The following PRDM16 variants were observed in gnomAD, a reference collection of about 807,000 sequenced individuals.
PRDM16 encodes PR/SET domain 16.
PRDM16 carries 23 observed loss-of-function variants against 110.6 expected under a neutral mutation model. The observed-to-expected ratio is 0.21, with a 90% CI of 0.15 to 0.29. The LOEUF (loss-of-function observed/expected upper bound fraction) is 0.29. Among genes scored for constraint, PRDM16 ranks in the 10% least tolerant of loss-of-function variants. PRDM16 has a pLI of 1.00. For missense variants in PRDM16, 1,615 were observed against 1,794.3 expected (o/e 0.90, Z 1.81); for synonymous variants, 799 against 781.8 (o/e 1.02, Z -0.37).
intron 2 of PRDM16, among the ~76,000 whole-genome samples, chr1:3,236,550 G>A (rs796889255): frequency 3.3e-5 from 5 of 152,340 alleles, no homozygotes; most frequent in African/African-American, 1.2e-4. Context: ...CGTGGCCATG[G>A]GCCCCACGCC....
Position 3,080,958 on chromosome 1 carries a change from C to CG in PRDM16, c.37+11670dup, listed in dbSNP as rs527641867. On this transcript the variant is annotated intron_variant, in intron 1 of 16. Coordinates refer to ENST00000270722, the MANE Select transcript of PRDM16 (RefSeq NM_022114.4). The surrounding 1 kb of genome is among the most constrained non-coding windows in gnomAD (Gnocchi z 5.2). ...TGTGTGTGTAGAGGGGGTGGCGGGG[C>CG]GGGGGGGGTCTGCACATTCCGCCGA... Among the ~76,000 whole-genome samples, 171 of 149,412 alleles carry CG rather than the reference C, an allele frequency of 1.1e-3. No individual in the cohort carries two copies. Among genetic ancestry groups the CG allele is most frequent in the Middle Eastern group, 6.8e-3 (2 of 292 alleles).
At chr1:3,094,460 G>A (rs59169459) in intron 1 of PRDM16, among the ~76,000 whole-genome samples, 6,637 of 152,350 alleles carry the variant, frequency 0.044, 476 homozygotes, top group African/African-American at 0.15. Flanking sequence ...ACTGGCAGCT[G>A]TTAGCTTGGC....
chr1:3,185,398 C>T (rs1242905405), intron 1 of PRDM16, among the ~76,000 whole-genome samples: 1 of 152,194 alleles, frequency 6.6e-6, no homozygotes, highest in African/African-American at 2.4e-5. Context: ...GGAACTTCCA[C>T]CAGCCTCCCC....
chr1:3,405,486 T>C lies in PRDM16; in HGVS notation c.1033-9T>C. ...GCAGGGCACGCGCCAACGGCATCCG[T>C]CTCCCCAGGTGTTCACGGACCCCAG... On this transcript the variant is annotated splice_polypyrimidine_tract_variant and intron_variant, in intron 7 of 16. Coordinates refer to ENST00000270722, the MANE Select transcript of PRDM16 (RefSeq NM_022114.4). 2 of 1,556,774 alleles carry C rather than the reference T, an allele frequency of 1.3e-6. No homozygotes were observed. The highest frequency in any genetic ancestry group is 1.9e-5 in the Admixed American group (1 of 52,708).
At chr1:3,402,683 T>G (rs1569692926) in intron 5 of PRDM16, 108 bp from the exon 6 acceptor site, 2 of 932,016 alleles carry the variant, frequency 2.1e-6, no homozygotes, top group Non-Finnish European at 3.4e-6. Flanking sequence ...CCAGCCTGGG[T>G]GCAGGCCCTG....
At chr1:3,183,563 C>A (rs555257640) in intron 1 of PRDM16, among the ~76,000 whole-genome samples, 1 of 152,216 alleles carries the variant, frequency 6.6e-6, no homozygotes, top group Non-Finnish European at 1.5e-5. Context: ...TGTGGGCAAT[C>A]GCTTAACCCC....
intron 12 of PRDM16, among the ~76,000 whole-genome samples, chr1:3,419,538 T>TG (rs1164866945): frequency 6.6e-6 from 1 of 152,276 alleles, no homozygotes; most frequent in East Asian, 1.9e-4. Flanking sequence ...CAATGGTAAC[T>TG]GGGAGGCGAA....
intron 15 of PRDM16, among the ~76,000 whole-genome samples, chr1:3,431,657 C>T (rs528834462): frequency 6.6e-6 from 1 of 152,378 alleles, no homozygotes; most frequent in East Asian, 1.9e-4. Flanking sequence ...CCTCTCTGAG[C>T]TGCCTGGGGT....
At chr1:3,379,062 G>A (rs1476803229) in intron 3 of PRDM16, among the ~76,000 whole-genome samples, 1 of 146,520 alleles carries the variant, frequency 6.8e-6, no homozygotes, top group Non-Finnish European at 1.5e-5. Context: ...GCCCTTCCTG[G>A]TGCACCCTCC....
intron 2 of PRDM16, among the ~76,000 whole-genome samples, chr1:3,211,100 AG>A (rs1487443568): frequency 6.6e-6 from 1 of 152,214 alleles, no homozygotes; most frequent in African/African-American, 2.4e-5. Flanking sequence ...TTCACCCACT[AG>A]GCATCTATTT....
chr1:3,302,188 G>A (rs1303700056), intron 3 of PRDM16, among the ~76,000 whole-genome samples: 1 of 152,022 alleles, frequency 6.6e-6, no homozygotes, highest in African/African-American at 2.4e-5. Context: ...TCTACATGTG[G>A]TTCTGCTTAG....
rs1364701569 is a variant in PRDM16 at position 3,270,974 on chromosome 1, G to A, written c.438+26837G>A. 1.3e-5 allele frequency among the ~76,000 whole-genome samples: 2 copies of A among 152,220 alleles called. 1 individual carries two copies. The highest frequency in any genetic ancestry group is 2.9e-5 in the Non-Finnish European group (2 of 68,034). ...GTTCCAGAGGAGCAGTCCCAGAGGA[G>A]GACAGTGTGGGCCCTGTTCGCTGAG... On this transcript the variant is annotated intron_variant, in intron 3 of 16. Coordinates refer to ENST00000270722, the MANE Select transcript of PRDM16 (RefSeq NM_022114.4).
chr1:3,365,918 ACACACACG>A (rs1642801907), intron 3 of PRDM16, among the ~76,000 whole-genome samples: 1 of 131,960 alleles, frequency 7.6e-6, no homozygotes, highest in African/African-American at 3.1e-5. Context: ...ATGCACACAT[ACACACACG>A]CACACATGCA....
At chr1:3,398,139 A>G (rs1386865926) in intron 5 of PRDM16, among the ~76,000 whole-genome samples, 1 of 152,216 alleles carries the variant, frequency 6.6e-6, no homozygotes, top group African/African-American at 2.4e-5. Context: ...CAAGAACGCC[A>G]AGAGACAAAT....
At chr1:3,196,592 A>C (rs898279463) in intron 2 of PRDM16, among the ~76,000 whole-genome samples, 4 of 152,170 alleles carry the variant, frequency 2.6e-5, no homozygotes, top group African/African-American at 9.7e-5. Flanking sequence ...AGAGGGGTTC[A>C]GCCAGGAACC....
In PRDM16 at chr1:3,431,704, G is replaced by C. The variant is rs2493274; in HGVS notation, c.3522-262G>C. 0.38 allele frequency among the ~76,000 whole-genome samples: 57,994 copies of C among 152,180 alleles called. 14,729 individuals carry two copies. The highest frequency in any genetic ancestry group is 0.72 in the African/African-American group (29,851 of 41,514). On this transcript the variant is annotated intron_variant, in intron 15 of 16. Coordinates refer to ENST00000270722, the MANE Select transcript of PRDM16 (RefSeq NM_022114.4). ...GAAGCCTTCTTCTCCACCCTCCACTGGCAAGACCTGAGCCCCCTGCCTGCT... is the reference window on the plus strand; with the variant it reads ...GAAGCCTTCTTCTCCACCCTCCACTCGCAAGACCTGAGCCCCCTGCCTGCT...
At chr1:3,313,631 C>T (rs191026284) in intron 3 of PRDM16, among the ~76,000 whole-genome samples, 32 of 152,360 alleles carry the variant, frequency 2.1e-4, no homozygotes, top group African/African-American at 4.6e-4. Flanking sequence ...CGAGGCCGTG[C>T]GGACCCCGCT....
chr1:3,351,575 C>T (rs72632201), intron 3 of PRDM16, among the ~76,000 whole-genome samples: 197 of 826 alleles, frequency 0.24, no homozygotes, highest in Middle Eastern at 0.33. Flanking sequence ...CCCCTTCCTC[C>T]TTCTCTCCCT....
intron 7 of PRDM16, 150 bp downstream of exon 7, chr1:3,405,036 C>A: frequency 1.3e-6 from 1 of 788,492 alleles, no homozygotes; most frequent in Non-Finnish European, 2.0e-6. Context: ...CGGGCCCTTC[C>A]GTGTGACTAG....
Sources: gnomAD v4.1 joint callset for allele counts (sites outside exome capture counted in the v4.1 genomes callset) on GRCh38, gnomAD v4.1.1 for gene constraint, Gnocchi (gnomAD v3.1) non-coding constraint, MANE v1.5 for transcripts, NCBI Gene and HGNC (gene_info 2026-07-23, HGNC 2026-07-21) for gene names.